Variants in SLC9A8 observed in about 807,000 individuals in gnomAD.
SLC9A8 encodes solute carrier family 9 member A8, also known as sodium/hydrogen exchanger 8.
Under a neutral mutation model 66.6 loss-of-function variants are expected in SLC9A8, and 48 were observed. The observed-to-expected ratio is 0.72, with a 90% CI of 0.57 to 0.92. The LOEUF (loss-of-function observed/expected upper bound fraction) is 0.92. Ranked by LOEUF, SLC9A8 falls within the 40% of genes least tolerant of loss-of-function variation. The pLI is 0.00. For missense variants in SLC9A8, 599 were observed against 747.3 expected (o/e 0.80, Z 2.31); for synonymous variants, 274 against 282.6 (o/e 0.97, Z 0.31).
At chr20:49,838,300 C>T (rs2087623885) in intron 3 of SLC9A8, among the ~76,000 whole-genome samples, 2 of 152,092 alleles carry the variant, frequency 1.3e-5, no homozygotes, top group South Asian at 4.1e-4. Context: ...GTAAAAGCTC[C>T]TTAAAATGTA....
rs141348803 is a variant in SLC9A8 at position 49,829,247 on chromosome 20, C to T, written c.289+6106C>T. 1,423 of 152,310 alleles carry T rather than the reference C, an allele frequency of 9.3e-3. 13 individuals carry two copies. The highest frequency in any genetic ancestry group is 0.015 in the Non-Finnish European group (1,047 of 68,382). The allele number at this position is 152,310 out of a possible 1,614,324, so 9.4% of individuals were successfully genotyped here. On this transcript the variant is annotated intron_variant, in intron 3 of 15. Transcript: ENST00000361573. ...TGAAGAAACCTCATGGGGCTGGGCG[C>T]GGTGGCTCACGCCTGTGATCACAGC... is the stretch of plus-strand genomic sequence containing the variant.
chr20:49,827,596 T>G (rs2086962505), intron 3 of SLC9A8, among the ~76,000 whole-genome samples: 2 of 144,228 alleles, frequency 1.4e-5, no homozygotes, highest in African/African-American at 5.2e-5. Flanking sequence ...AGATAGAGAC[T>G]GCATCTCGAA....
intron 10 of SLC9A8, among the ~76,000 whole-genome samples, chr20:49,873,450 C>T (rs1241267752): frequency 1.4e-5 from 2 of 147,806 alleles, no homozygotes; most frequent in African/African-American, 5.0e-5. Flanking sequence ...CCATTGCACT[C>T]CAGCCTGGGC....
At chr20:49,836,403 G>A (rs1320950264) in intron 3 of SLC9A8, among the ~76,000 whole-genome samples, 4 of 151,926 alleles carry the variant, frequency 2.6e-5, no homozygotes, top group Non-Finnish European at 5.9e-5. Context: ...GCGCAATCTC[G>A]GCCTACTGCA....
intron 10 of SLC9A8, among the ~76,000 whole-genome samples, chr20:49,870,911 G>T (rs13042024): frequency 1.2e-4 from 18 of 152,072 alleles, no homozygotes; most frequent in Non-Finnish European, 2.2e-4. Flanking sequence ...TGTTGTTCAG[G>T]CTGGTCTCAA....
In SLC9A8 at chr20:49,834,420, G is replaced by GTATA. The variant is rs11086296; in HGVS notation, c.290-5114_290-5111dup. Among the ~76,000 whole-genome samples the GTATA allele has an allele frequency of 5.2e-4, 16 of 30,500 alleles. 2 individuals are homozygous for GTATA. Among genetic ancestry groups the GTATA allele is most frequent in the East Asian group, 2.1e-3 (5 of 2,424 alleles). The allele number at this position is 30,500 out of a possible 152,430, so 20.0% of individuals were successfully genotyped here. On this transcript the variant is annotated intron_variant, in intron 3 of 15. Transcript: ENST00000361573. ...TATATACTGTGTATATATATATACT[G>GTATA]TATATATATACTGTATATATATATA...
At chr20:49,870,850 G>A (rs1271383059) in intron 10 of SLC9A8, among the ~76,000 whole-genome samples, 4 of 152,066 alleles carry the variant, frequency 2.6e-5, no homozygotes, top group Admixed American at 2.6e-4. Context: ...CTATAGGCAC[G>A]TGCTACCACA....
chr20:49,837,542 AT>A (rs988427015), intron 3 of SLC9A8, among the ~76,000 whole-genome samples: 5 of 151,716 alleles, frequency 3.3e-5, no homozygotes, highest in East Asian at 3.9e-4. Context: ...TATCTATTCA[AT>A]TTTTTTTATT....
chr20:49,852,528 A>G (rs1478102756), intron 7 of SLC9A8, among the ~76,000 whole-genome samples: 1 of 152,174 alleles, frequency 6.6e-6, no homozygotes, highest in Non-Finnish European at 1.5e-5. Flanking sequence ...TCACTCTTAG[A>G]GATCCTGAAT....
Position 49,886,739 on chromosome 20 carries a change from C to T in SLC9A8, c.1492-13C>T. The T allele has an allele frequency of 1.2e-6, 2 of 1,608,710 alleles. No individual in the cohort carries two copies. Among genetic ancestry groups the T allele is most frequent in the Non-Finnish European group, 1.7e-6 (2 of 1,177,526 alleles). ...AGCTGGTGGCCGTCGGGCCGCCTTTCCTCCCTGCTCAGGGCAACACTGTGG... is the reference window on the plus strand; with the variant it reads ...AGCTGGTGGCCGTCGGGCCGCCTTTTCTCCCTGCTCAGGGCAACACTGTGG... On this transcript the variant is annotated splice_polypyrimidine_tract_variant and intron_variant, in intron 14 of 15. Transcript: ENST00000361573. This position sits in a 1 kb window ranked among gnomAD's most constrained non-coding sequence, Gnocchi z 4.8.
rs1317065756 is a variant in SLC9A8 at position 49,891,931 on chromosome 20, TG to T, written c.*3996del. ...TTACATTCCTTTTCATCATTTCCTT[TG>T]TAAAAATGACGAGTGCTGGGTTTTT... is the stretch of plus-strand genomic sequence containing the variant. On this transcript the variant is annotated 3_prime_UTR_variant, in exon 16 of 16. Transcript: ENST00000361573. 1 of 152,252 alleles carries T rather than the reference TG, an allele frequency of 6.6e-6. No homozygotes were observed. The highest frequency in any genetic ancestry group is 1.5e-5 in the Non-Finnish European group (1 of 68,054). 9.4% of individuals were successfully genotyped at this position (152,252 alleles called of 1,614,324 possible).
chr20:49,819,124 A>T (rs1052700462), intron 2 of SLC9A8, among the ~76,000 whole-genome samples: 1 of 152,254 alleles, frequency 6.6e-6, no homozygotes, highest in African/African-American at 2.4e-5. Context: ...TTGACTCCAC[A>T]AGAAAAAATG....
At position 49,888,337 on chromosome 20, in the gene SLC9A8, C is replaced by T. The variant is rs1477996195; in HGVS notation, c.*401C>T. ...TCCCCAGCCACTGCCTTCATGCTGCCCCCGCCGGACTGGCAGAGCCAGGGG... is the reference window on the plus strand; with the variant it reads ...TCCCCAGCCACTGCCTTCATGCTGCTCCCGCCGGACTGGCAGAGCCAGGGG... On this transcript the variant is annotated 3_prime_UTR_variant, in exon 16 of 16. Transcript: ENST00000361573. The T allele has an allele frequency of 5.5e-6, 1 of 181,780 alleles. No individual in the cohort carries two copies. The highest frequency in any genetic ancestry group is 2.4e-5 in the African/African-American group (1 of 41,682). The allele number at this position is 181,780 out of a possible 1,614,324, so 11.3% of individuals were successfully genotyped here.
intron 8 of SLC9A8, among the ~76,000 whole-genome samples, chr20:49,856,303 TATTATTGGCAACA>T (rs1410650315): frequency 6.6e-6 from 1 of 152,164 alleles, no homozygotes; most frequent in East Asian, 1.9e-4. Context: ...GTTTGGGCAA[TATTATTGGCAACA>T]AAAGCAATAG....
At chr20:49,884,235 C>CG (rs1555848264) in intron 14 of SLC9A8, 169 bp downstream of exon 14, 2,645 of 206,360 alleles carry the variant, frequency 0.013, 79 homozygotes, top group African/African-American at 0.05. Context: ...CACACACACA[C>CG]ACACACGACA....
chr20:49,820,180 T>C (rs2086682703), intron 2 of SLC9A8, among the ~76,000 whole-genome samples: 1 of 152,182 alleles, frequency 6.6e-6, no homozygotes, highest in Non-Finnish European at 1.5e-5. Context: ...TTGCGAACAC[T>C]TGTTTTCTGG....
chr20:49,834,225 ACT>A (rs1190477838), intron 3 of SLC9A8, among the ~76,000 whole-genome samples: 1 of 133,716 alleles, frequency 7.5e-6, no homozygotes, highest in Non-Finnish European at 1.6e-5. Flanking sequence ...ACACACACAC[ACT>A]ATGTATATAC....
intron 5 of SLC9A8, among the ~76,000 whole-genome samples, chr20:49,847,751 G>C (rs2088059424): frequency 6.6e-6 from 1 of 152,082 alleles, no homozygotes; most frequent in South Asian, 2.1e-4. Flanking sequence ...TTATGTCAGA[G>C]AGAAACAGAT....
chr20:49,836,690 T>C (rs2087549438), intron 3 of SLC9A8, among the ~76,000 whole-genome samples: 1 of 152,194 alleles, frequency 6.6e-6, no homozygotes, highest in East Asian at 1.9e-4. Context: ...GGTTTTTACA[T>C]GAACATGTTT....
Sources: gnomAD v4.1 joint callset for allele counts (sites outside exome capture counted in the v4.1 genomes callset) on GRCh38, gnomAD v4.1.1 for gene constraint, Gnocchi (gnomAD v3.1) non-coding constraint, MANE v1.5 for transcripts, NCBI Gene and HGNC (gene_info 2026-07-23, HGNC 2026-07-21) for gene names.